The following GRM8 variants were observed in gnomAD, a reference collection of about 807,000 sequenced individuals.
GRM8 encodes glutamate metabotropic receptor 8, also known as metabotropic glutamate receptor 8.
A neutral mutation model predicts 87.2 loss-of-function variants in GRM8; 47 were observed. The ratio of observed to expected loss-of-function variants is 0.54; its 90% CI spans 0.43 to 0.69. GRM8 has a LOEUF of 0.69. Among genes scored for constraint, GRM8 ranks in the 30% least tolerant of loss-of-function variants. GRM8 has a pLI of 0.00. For synonymous variants in GRM8, 396 were observed against 404.5 expected, an observed-to-expected ratio of 0.98 and a Z score of 0.25; for missense variants, 1,019 against 1,139.2, an observed-to-expected ratio of 0.89 and a Z score of 1.52.
At chr7:126,510,370 C>T (rs1332217978) in intron 9 of GRM8, among the ~76,000 whole-genome samples, 2 of 151,132 alleles carry the variant, frequency 1.3e-5, no homozygotes, top group African/African-American at 4.9e-5. Flanking sequence ...GTGATGTGAT[C>T]GTAGTATTCA....
chr7:127,123,190 T>C (rs1827177953), intron 2 of GRM8, among the ~76,000 whole-genome samples: 1 of 152,128 alleles, frequency 6.6e-6, no homozygotes, highest in Admixed American at 6.5e-5. Flanking sequence ...CCAGGGCTAC[T>C]GAGTCCCTTC....
chr7:126,441,519 T>C (rs1337571637), intron 10 of GRM8, among the ~76,000 whole-genome samples: 1 of 152,106 alleles, frequency 6.6e-6, no homozygotes, highest in Non-Finnish European at 1.5e-5. Context: ...TATTTTTTCA[T>C]GTAATTCTGG....
At position 126,493,356 on chromosome 7, in the gene GRM8, C is replaced by A. The variant is rs1297658316; in HGVS notation, c.2430+39596G>T. Reference sequence around the variant, plus strand: ...AGAGGGCAGAGTTAGAGCGAAGAAGCAGAGCAGAGGACAGTGACCATGAGG... The same window carrying A: ...AGAGGGCAGAGTTAGAGCGAAGAAGAAGAGCAGAGGACAGTGACCATGAGG... On this transcript the variant is annotated intron_variant, in intron 9 of 10. Coordinates refer to ENST00000339582, the MANE Select transcript of GRM8 (RefSeq NM_000845.3). Among the ~76,000 whole-genome samples, 3 of 151,980 alleles carry A rather than the reference C, an allele frequency of 2.0e-5. No individual in the cohort carries two copies. The East Asian group carries it at 5.8e-4, about 30-fold the overall frequency.
intron 2 of GRM8, among the ~76,000 whole-genome samples, chr7:127,119,131 C>A (rs1826879187): frequency 6.6e-6 from 1 of 152,108 alleles, no homozygotes; most frequent in African/African-American, 2.4e-5. Flanking sequence ...AAAGGGCTAG[C>A]CAAGTTCCCA....
At position 126,712,907 on chromosome 7, in the gene GRM8, C is replaced by T. The variant is rs147052361; in HGVS notation, c.1357+56958G>A. Among the ~76,000 whole-genome samples, 391 of 152,214 alleles carry T rather than the reference C, an allele frequency of 2.6e-3. 3 individuals are homozygous for T. Among genetic ancestry groups the T allele is most frequent in the African/African-American group, 8.2e-3 (339 of 41,544 alleles). On this transcript the variant is annotated intron_variant, in intron 7 of 10. Coordinates refer to ENST00000339582, the MANE Select transcript of GRM8 (RefSeq NM_000845.3). ...AAAACCACAACGAGACACCATCTCA[C>T]GCCAGTTAGAATGGTGATCATTAAA...
chr7:127,192,888 C>T (rs1408985008), intron 2 of GRM8, among the ~76,000 whole-genome samples: 3 of 152,186 alleles, frequency 2.0e-5, no homozygotes, highest in Non-Finnish European at 1.5e-5. Context: ...ACCTATTTAT[C>T]CCCTTCCCCT....
chr7:126,981,157 T>C (rs2131856463), intron 3 of GRM8: 1 of 152,832 alleles, frequency 6.5e-6, no homozygotes, highest in South Asian at 2.1e-4. Context: ...CCAGCACCAC[T>C]TCAAGGGATA....
chr7:126,440,396 G>A (rs902676878), intron 10 of GRM8, among the ~76,000 whole-genome samples: 1 of 106,386 alleles, frequency 9.4e-6, no homozygotes, highest in Non-Finnish European at 1.7e-5. Flanking sequence ...AGGCAACAGA[G>A]CAAGACTCCA....
In GRM8 at chr7:126,533,269, C is replaced by G; in HGVS notation, c.2113G>C (p.Val705Leu). The change falls in exon 9 of 11, where the codon GTC becomes CTC. Residue 705 changes from valine (V) to leucine (L), a missense_variant. Physicochemically the swap from Val to Leu is conservative, Grantham distance 32 (BLOSUM62 1). Coordinates refer to ENST00000339582, the MANE Select transcript of GRM8 (RefSeq NM_000845.3). ...CAGACAAACACTCCAAGGAGCTGGA[C>G]GGAGATGAGGCTGAAGGTGATCACC... ...QLVITFSLIS[V>L]QLLGVFVWFV... 1.2e-6 allele frequency: 2 copies of G among 1,613,538 alleles called. No individual in the cohort carries two copies. Among genetic ancestry groups the G allele is most frequent in the Non-Finnish European group, 1.7e-6 (2 of 1,179,910 alleles).
intron 3 of GRM8, among the ~76,000 whole-genome samples, chr7:126,983,673 G>A (rs571840416): frequency 2.0e-5 from 3 of 152,250 alleles, no homozygotes; most frequent in Middle Eastern, 3.4e-3. Flanking sequence ...AAGGGTATGC[G>A]TGGAATACAG....
At chr7:126,703,006 G>T (rs1810104053) in intron 7 of GRM8, among the ~76,000 whole-genome samples, 1 of 152,128 alleles carries the variant, frequency 6.6e-6, no homozygotes, top group South Asian at 2.1e-4. Flanking sequence ...TGTTGCTGGA[G>T]GAATGAAGAG....
chr7:127,123,131 C>T (rs1186696669), intron 2 of GRM8, among the ~76,000 whole-genome samples: 1 of 152,168 alleles, frequency 6.6e-6, no homozygotes, highest in East Asian at 1.9e-4. Flanking sequence ...TCATTCTGGA[C>T]TGGCATAGCC....
In GRM8 at chr7:126,505,653, T is replaced by C. The variant is rs541521983; in HGVS notation, c.2430+27299A>G. 1.4e-3 allele frequency among the ~76,000 whole-genome samples: 209 copies of C among 152,188 alleles called. 1 individual carries two copies. Among genetic ancestry groups the C allele is most frequent in the Middle Eastern group, 6.8e-3 (2 of 294 alleles). ...TAGATGTCTCCTGCCCCGCTTTATA[T>C]AATTTTTAGAAGTTTTAATCTGCTT... On this transcript the variant is annotated intron_variant, in intron 9 of 10. Transcript: ENST00000339582.
intron 8 of GRM8, among the ~76,000 whole-genome samples, chr7:126,547,584 A>G (rs1349634436): frequency 6.6e-6 from 1 of 152,104 alleles, no homozygotes; most frequent in Admixed American, 6.5e-5. Context: ...AAGCTGAGAT[A>G]ATCTCCCAGA....
At chr7:126,707,892 A>G (rs565642264) in intron 7 of GRM8, among the ~76,000 whole-genome samples, 3 of 152,284 alleles carry the variant, frequency 2.0e-5, no homozygotes, top group South Asian at 2.1e-4. Context: ...AAACAATACC[A>G]AGTGGGACTG....
At chr7:126,499,571 G>C (rs1809322943) in intron 9 of GRM8, among the ~76,000 whole-genome samples, 1 of 151,824 alleles carries the variant, frequency 6.6e-6, no homozygotes, top group Admixed American at 6.6e-5. Flanking sequence ...TTCCATTTGA[G>C]TATTTCTACA....
At chr7:126,853,794 C>T (rs1046473950) in intron 6 of GRM8, among the ~76,000 whole-genome samples, 14 of 152,194 alleles carry the variant, frequency 9.2e-5, no homozygotes, top group African/African-American at 3.4e-4. Context: ...CTCCTCTCTT[C>T]ACTTGCTCTC....
chr7:126,872,837 G>T (rs548731303), intron 6 of GRM8, among the ~76,000 whole-genome samples: 1 of 152,012 alleles, frequency 6.6e-6, no homozygotes. Flanking sequence ...CATTTGAGCC[G>T]CTCTTTAATT....
chr7:126,633,208 C>A, intron 7 of GRM8, among the ~76,000 whole-genome samples: 1 of 152,054 alleles, frequency 6.6e-6, no homozygotes, highest in East Asian at 1.9e-4. Flanking sequence ...ATGCTTTCCC[C>A]CATAAAGTGG....
Sources: allele counts gnomAD v4.1 joint callset (sites outside exome capture counted in the v4.1 genomes callset), GRCh38; gene constraint gnomAD v4.1.1; transcripts MANE v1.5; gene names NCBI Gene and HGNC (gene_info 2026-07-23, HGNC 2026-07-21).